Variants in FSTL5 observed in about 807,000 individuals in gnomAD.
The protein encoded by FSTL5 is follistatin-related protein 5.
In FSTL5, 62 loss-of-function variants were observed where a neutral mutation model predicts 89.1. The ratio of observed to expected loss-of-function variants is 0.70; its 90% CI spans 0.57 to 0.86. The LOEUF (loss-of-function observed/expected upper bound fraction) is 0.86, where lower values mean the gene tolerates loss of function less well. Ranked by LOEUF, FSTL5 falls within the 40% of genes least tolerant of loss-of-function variation. The pLI is 0.00. For missense variants in FSTL5, 1,057 were observed against 1,001.6 expected (o/e 1.06, Z -0.75); for synonymous variants, 383 against 346.2 (o/e 1.11, Z -1.18).
intron 3 of FSTL5, among the ~76,000 whole-genome samples, chr4:161,980,235 AG>A (rs1735782492): frequency 6.7e-6 from 1 of 148,748 alleles, no homozygotes; most frequent in Admixed American, 6.8e-5. Flanking sequence ...AAAGGAAGAA[AG>A]AAGAAAGGAA....
intron 6 of FSTL5, among the ~76,000 whole-genome samples, chr4:161,696,575 C>T (rs1407964627): frequency 1.3e-5 from 2 of 152,116 alleles, no homozygotes; most frequent in African/African-American, 4.8e-5. Flanking sequence ...TTCTACCTAT[C>T]CATGTGCATG....
At chr4:162,100,058 T>G (rs563116758) in intron 2 of FSTL5, among the ~76,000 whole-genome samples, 2 of 152,322 alleles carry the variant, frequency 1.3e-5, no homozygotes, top group Non-Finnish European at 2.9e-5. Context: ...CCAGCGATCA[T>G]GCTCCTTGGT....
At chr4:162,071,859 A>T (rs543696182) in intron 2 of FSTL5, among the ~76,000 whole-genome samples, 2 of 151,978 alleles carry the variant, frequency 1.3e-5, no homozygotes, top group Non-Finnish European at 2.9e-5. Context: ...TACAATACAT[A>T]TACAAATACA....
At chr4:161,779,007 G>A (rs1211350741) in intron 4 of FSTL5, among the ~76,000 whole-genome samples, 2 of 152,220 alleles carry the variant, frequency 1.3e-5, no homozygotes, top group African/African-American at 4.8e-5. Flanking sequence ...TGTGGAACTG[G>A]AGGCTGAACT....
intron 4 of FSTL5, among the ~76,000 whole-genome samples, chr4:161,807,196 TACACAC>T (rs10561299): frequency 1.0e-3 from 151 of 146,082 alleles, no homozygotes; most frequent in Admixed American, 1.2e-3. Context: ...CACATGAGAA[TACACAC>T]ACACACACAC....
intron 2 of FSTL5, among the ~76,000 whole-genome samples, chr4:162,094,237 A>T (rs1020764067): frequency 3.3e-5 from 5 of 152,108 alleles, no homozygotes; most frequent in Admixed American, 2.0e-4. Context: ...AATACAAAAA[A>T]TTAGCTGGGC....
chr4:161,622,768 A>G (rs552693398), intron 7 of FSTL5, among the ~76,000 whole-genome samples: 1 of 152,264 alleles, frequency 6.6e-6, no homozygotes, highest in Non-Finnish European at 1.5e-5. Context: ...AAAAAAGTTT[A>G]GAAAATTTTT....
Position 162,033,647 on chromosome 4 carries a change from AT to A in FSTL5, c.137del (p.Asn46IlefsTer11), listed in dbSNP as rs774161138. The A allele has an allele frequency of 2.0e-5, 30 of 1,495,114 alleles. No individual in the cohort carries two copies. Among genetic ancestry groups the A allele is most frequent in the South Asian group, 2.4e-5 (2 of 82,854 alleles). 92.6% of individuals were successfully genotyped at this position (1,495,114 alleles called of 1,614,324 possible). A position where few individuals can be genotyped will look rare whatever the true frequency, so the allele number is the denominator to read the frequency against. On this transcript the variant is annotated frameshift_variant, in exon 3 of 16. Transcript: ENST00000306100. LOFTEE classifies it high-confidence loss of function. ...TACCTTTGACTCTTGAACTTTCTTG[AT>A]TTTTTTCCTGCTGGAAATAAAACAG... ...LMRLRHKQEK[N>X]QESSRVKGFM...
chr4:161,640,463 G>A (rs973050560), intron 7 of FSTL5, among the ~76,000 whole-genome samples: 7 of 151,928 alleles, frequency 4.6e-5, no homozygotes, highest in African/African-American at 1.7e-4. Context: ...TAAAGAATTA[G>A]GAAACCTAAA....
intron 7 of FSTL5, among the ~76,000 whole-genome samples, chr4:161,611,701 T>C (rs1734660165): frequency 6.6e-6 from 1 of 151,954 alleles, no homozygotes; most frequent in Admixed American, 6.6e-5. Context: ...ACAATTATGG[T>C]AGGAAAAAAA....
chr4:161,839,585 T>G (rs759241804), intron 4 of FSTL5, among the ~76,000 whole-genome samples: 2 of 152,166 alleles, frequency 1.3e-5, no homozygotes, highest in African/African-American at 4.8e-5. Context: ...ATATATTAAA[T>G]AAAATAATTC....
At chr4:161,533,565 GAGTA>G (rs1037736951) in intron 10 of FSTL5, among the ~76,000 whole-genome samples, 33 of 152,030 alleles carry the variant, frequency 2.2e-4, no homozygotes, top group African/African-American at 4.8e-5. Flanking sequence ...TTTGGAAATT[GAGTA>G]AGTAAGTAAT....
At position 161,974,693 on chromosome 4, in the gene FSTL5, C is replaced by A. The variant is rs1578907913; in HGVS notation, c.161-54041G>T. 2.5e-5 allele frequency among the ~76,000 whole-genome samples: 3 copies of A among 119,198 alleles called. No individual in the cohort carries two copies. The South Asian group carries it at 9.9e-4, about 39-fold the overall frequency. The allele number at this position is 119,198 out of a possible 152,430, so 78.2% of individuals were successfully genotyped here. ...TTACCATTCAGGACATAGGCATGGG[C>A]AAGGACTTCATGTCCAAAACACCAA... On this transcript the variant is annotated intron_variant, in intron 3 of 15. Transcript: ENST00000306100.
intron 4 of FSTL5, among the ~76,000 whole-genome samples, chr4:161,788,848 C>T (rs1354569735): frequency 2.0e-5 from 3 of 152,088 alleles, no homozygotes; most frequent in Admixed American, 2.0e-4. Flanking sequence ...CAGTGAGCCA[C>T]GATTGTGCTA....
intron 11 of FSTL5, among the ~76,000 whole-genome samples, chr4:161,509,717 C>T (rs929749182): frequency 1.3e-5 from 2 of 152,094 alleles, no homozygotes; most frequent in Admixed American, 6.5e-5. Context: ...GGCTTTTAGA[C>T]ATTTTTCTCT....
intron 8 of FSTL5, among the ~76,000 whole-genome samples, chr4:161,548,670 C>A (rs948575579): frequency 6.6e-6 from 1 of 151,740 alleles, no homozygotes; most frequent in Non-Finnish European, 1.5e-5. Flanking sequence ...GGAGAGAAAT[C>A]CTGCATTCAT....
At position 162,071,091 on chromosome 4, in the gene FSTL5, A is replaced by AATTCT. The variant is rs1729601783; in HGVS notation, c.127-37434_127-37433insAGAAT. Among the ~76,000 whole-genome samples the AATTCT allele has an allele frequency of 2.0e-5, 3 of 151,854 alleles. No homozygotes were observed. The Admixed American group carries it at 2.0e-4, about 10-fold the overall frequency. On this transcript the variant is annotated intron_variant, in intron 2 of 15. Transcript: ENST00000306100. ...GAAACAAAGGCTGTATGAAACAACCAGAAAACAATTAACAGAATGAAACAT... is the reference window on the plus strand; with the variant it reads ...GAAACAAAGGCTGTATGAAACAACCAATTCTGAAAACAATTAACAGAATGAAACAT...
intron 4 of FSTL5, among the ~76,000 whole-genome samples, chr4:161,844,643 C>T (rs1731311840): frequency 6.6e-6 from 1 of 152,048 alleles, no homozygotes; most frequent in Non-Finnish European, 1.5e-5. Flanking sequence ...TTTGCAGGGA[C>T]ATGGATGAAG....
chr4:161,636,150 T>C lies in FSTL5; in HGVS notation c.894+20178A>G, dbSNP rs114957110. On this transcript the variant is annotated intron_variant, in intron 7 of 15. Transcript: ENST00000306100. ...ATTGAATTTCATTATATAACTTATT[T>C]TCTCTTCTGATTAATCACTTCTAAT... Among the ~76,000 whole-genome samples the C allele has an allele frequency of 8.7e-3, 1,320 of 152,198 alleles. 25 individuals are homozygous for C. The highest frequency in any genetic ancestry group is 0.029 in the African/African-American group (1,203 of 41,532).
Sources: gnomAD v4.1 joint callset for allele counts (sites outside exome capture counted in the v4.1 genomes callset) on GRCh38, gnomAD v4.1.1 for gene constraint, MANE v1.5 for transcripts, NCBI Gene and HGNC (gene_info 2026-07-23, HGNC 2026-07-21) for gene names.